The following RTN4R variants were observed in gnomAD, a reference collection of about 807,000 sequenced individuals.
The protein encoded by RTN4R is reticulon-4 receptor.
RTN4R carries 4 observed loss-of-function variants against 27.7 expected under a neutral mutation model. The ratio of observed to expected loss-of-function variants is 0.14; its 90% CI spans 0.07 to 0.33. The LOEUF (loss-of-function observed/expected upper bound fraction) is 0.33. Among genes scored for constraint, RTN4R ranks in the 10% least tolerant of loss-of-function variants. The pLI is 1.00. For missense variants in RTN4R, 554 were observed against 671.5 expected (o/e 0.83, Z 1.93); for synonymous variants, 290 against 305.6 (o/e 0.95, Z 0.53).
At chr22:20,261,743 C>T (rs1419322725) in intron 1 of RTN4R, among the ~76,000 whole-genome samples, 2 of 152,208 alleles carry the variant, frequency 1.3e-5, no homozygotes, top group African/African-American at 4.8e-5. Flanking sequence ...TGTGGCTGTC[C>T]CACCCTTCAT....
chr22:20,266,887 C>G (rs1397670849), intron 1 of RTN4R, among the ~76,000 whole-genome samples: 1 of 152,280 alleles, frequency 6.6e-6, no homozygotes, highest in Admixed American at 6.5e-5. Context: ...TACACACACG[C>G]ACACAAGCCC....
rs530556347 is a variant in RTN4R at position 20,260,563 on chromosome 22, G to A, written c.22+7508C>T. 2.6e-5 allele frequency among the ~76,000 whole-genome samples: 4 copies of A among 152,310 alleles called. No homozygotes were observed. The South Asian group carries it at 8.3e-4, about 32-fold the overall frequency. On this transcript the variant is annotated intron_variant, in intron 1 of 1. Transcript: ENST00000043402. ...TCAGCCCTCCCTCGACAGCCGTGCT[G>A]GTAGCTGGCCAGGCCCGGGTGAGTG...
chr22:20,243,478 A>C, intron 1 of RTN4R: 1 of 528,666 alleles, frequency 1.9e-6, no homozygotes, highest in Non-Finnish European at 3.8e-6. Context: ...CAGAGCCCGC[A>C]TTGCAGGAGT....
intron 1 of RTN4R, among the ~76,000 whole-genome samples, chr22:20,247,373 C>T (rs758804697): frequency 6.6e-6 from 1 of 152,144 alleles, no homozygotes; most frequent in East Asian, 1.9e-4. Context: ...TAGCTCCAGG[C>T]GGGGGTGGCG....
At chr22:20,261,492 C>A (rs1018676221) in intron 1 of RTN4R, among the ~76,000 whole-genome samples, 5 of 152,226 alleles carry the variant, frequency 3.3e-5, no homozygotes, top group Non-Finnish European at 7.3e-5. Flanking sequence ...CACCACCGCT[C>A]CAGCTTCACG....
At chr22:20,258,396 G>A (rs1192326196) in intron 1 of RTN4R, among the ~76,000 whole-genome samples, 2 of 152,172 alleles carry the variant, frequency 1.3e-5, no homozygotes, top group Non-Finnish European at 2.9e-5. Context: ...TGCCCAAGGT[G>A]TCCATCCTCA....
intron 1 of RTN4R, among the ~76,000 whole-genome samples, chr22:20,248,680 G>A (rs1045119521): frequency 6.6e-5 from 10 of 152,142 alleles, no homozygotes; most frequent in South Asian, 2.1e-4. Flanking sequence ...AGCTGACCAC[G>A]GGCAGCCACC....
At chr22:20,257,310 T>C (rs1468927982) in intron 1 of RTN4R, among the ~76,000 whole-genome samples, 1 of 152,212 alleles carries the variant, frequency 6.6e-6, no homozygotes, top group Admixed American at 6.5e-5. Flanking sequence ...CTCCCCCAGA[T>C]TCACGTGTCG....
At chr22:20,266,646 C>G (rs1461350139) in intron 1 of RTN4R, among the ~76,000 whole-genome samples, 1 of 152,210 alleles carries the variant, frequency 6.6e-6, no homozygotes, top group African/African-American at 2.4e-5. Flanking sequence ...CATCTATCTG[C>G]CTCAGCCCTG....
chr22:20,242,985 C>A lies in RTN4R; in HGVS notation c.148G>T (p.Ala50Ser). Reference protein sequence around the residue: ...TTSCPQQGLQAVPVGIPAASQ... With the variant: ...TTSCPQQGLQSVPVGIPAASQ... Reference sequence around the variant, plus strand: ...GCAGCAGGGATGCCCACGGGCACAGCCTGCAGGCCCTGCTGGGGGCAGCTT... The same window carrying A: ...GCAGCAGGGATGCCCACGGGCACAGACTGCAGGCCCTGCTGGGGGCAGCTT... Residue 50 changes from alanine (A) to serine (S), a missense_variant, in exon 2 of 2, where the codon GCT becomes TCT. Transcript: ENST00000043402. The A allele has an allele frequency of 1.2e-6, 2 of 1,610,848 alleles. No homozygotes were observed. The highest frequency in any genetic ancestry group is 1.7e-6 in the Non-Finnish European group (2 of 1,179,828).
At chr22:20,256,477 TA>T (rs2051212767) in intron 1 of RTN4R, among the ~76,000 whole-genome samples, 2 of 152,336 alleles carry the variant, frequency 1.3e-5, no homozygotes, top group South Asian at 4.1e-4. Context: ...GCCATTCTCC[TA>T]AAATTGTCCT....
At chr22:20,243,526 C>A (rs1213863741) in intron 1 of RTN4R, 3 of 482,616 alleles carry the variant, frequency 6.2e-6, no homozygotes, top group Non-Finnish European at 1.3e-5. Flanking sequence ...CCCACAGGGC[C>A]TAGGAAACAC....
intron 1 of RTN4R, among the ~76,000 whole-genome samples, chr22:20,259,054 C>T (rs1185879189): frequency 6.6e-6 from 1 of 152,128 alleles, no homozygotes; most frequent in Non-Finnish European, 1.5e-5. Flanking sequence ...GTCCAGGTCA[C>T]TTGTCCCTGG....
chr22:20,243,580 C>T (rs769423180), intron 1 of RTN4R: 51 of 431,476 alleles, frequency 1.2e-4, no homozygotes, highest in Non-Finnish European at 2.0e-4. Context: ...ATCTCAAAAA[C>T]GGGCGCCTGG....
chr22:20,254,144 C>T (rs1308821418), intron 1 of RTN4R, among the ~76,000 whole-genome samples: 1 of 152,102 alleles, frequency 6.6e-6, no homozygotes, highest in Admixed American at 6.6e-5. Flanking sequence ...AGAGGCAACA[C>T]GAAGCCATGA....
At chr22:20,250,995 C>T (rs973687060) in intron 1 of RTN4R, among the ~76,000 whole-genome samples, 12 of 152,194 alleles carry the variant, frequency 7.9e-5, no homozygotes, top group African/African-American at 2.9e-4. Flanking sequence ...AAATCCAGTG[C>T]AGGTAGTTTT....
chr22:20,254,235 C>A (rs1225294851), intron 1 of RTN4R, among the ~76,000 whole-genome samples: 1 of 151,694 alleles, frequency 6.6e-6, no homozygotes, highest in Admixed American at 6.6e-5. Flanking sequence ...TTGAGACCAG[C>A]CTGGGTAACA....
chr22:20,260,053 C>T (rs948186234), intron 1 of RTN4R, among the ~76,000 whole-genome samples: 8 of 152,154 alleles, frequency 5.3e-5, no homozygotes, highest in Admixed American at 3.9e-4. Flanking sequence ...GGGGAGGACC[C>T]TCCCCAGGGG....
At chr22:20,267,200 A>C (rs2051282817) in intron 1 of RTN4R, among the ~76,000 whole-genome samples, 1 of 152,248 alleles carries the variant, frequency 6.6e-6, no homozygotes, top group South Asian at 2.1e-4. Flanking sequence ...TTGCATGTGC[A>C]CCAGAGGTGT....
Sources: gnomAD v4.1 joint callset for allele counts (sites outside exome capture counted in the v4.1 genomes callset) on GRCh38, gnomAD v4.1.1 for gene constraint, MANE v1.5 for transcripts, NCBI Gene and HGNC (gene_info 2026-07-23, HGNC 2026-07-21) for gene names.